The following PLAUR variants were observed in gnomAD, a reference collection of about 807,000 sequenced individuals.
PLAUR encodes urokinase plasminogen activator surface receptor.
In PLAUR, 22 loss-of-function variants were observed where a neutral mutation model predicts 33.4. The observed-to-expected ratio is 0.66, with a 90% CI of 0.47 to 0.94. The LOEUF is 0.94. Among genes scored for constraint, PLAUR ranks in the 40% least tolerant of loss-of-function variants. PLAUR has a pLI of 0.00. For missense variants in PLAUR, 408 were observed against 434.7 expected (o/e 0.94, Z 0.55); for synonymous variants, 148 against 167.3 (o/e 0.88, Z 0.89).
intron 5 of PLAUR, among the ~76,000 whole-genome samples, chr19:43,653,072 A>G (rs1464474563): frequency 6.6e-6 from 1 of 151,994 alleles, no homozygotes; most frequent in Non-Finnish European, 1.5e-5. Context: ...CTCCGCCTCC[A>G]AAAGTGCTGG....
At chr19:43,666,860 T>C (rs1357350470) in intron 2 of PLAUR, among the ~76,000 whole-genome samples, 2 of 144,816 alleles carry the variant, frequency 1.4e-5, no homozygotes, top group African/African-American at 2.6e-5. Flanking sequence ...TGAGCCACCA[T>C]GCCCGGCCCA....
chr19:43,667,836 G>A lies in PLAUR; in HGVS notation c.56-145C>T, dbSNP rs1302481188. On this transcript the variant is annotated intron_variant, in intron 1 of 6. Transcript: ENST00000340093. Reference sequence around the variant, plus strand: ...GTCCATGTTCTGCTGGGTTCCGGCCGGCGGTACTTCCAGTCTGTCCGTTGT... The same window carrying A: ...GTCCATGTTCTGCTGGGTTCCGGCCAGCGGTACTTCCAGTCTGTCCGTTGT... The A allele has an allele frequency of 7.5e-6, 11 of 1,459,322 alleles. No homozygotes were observed. The East Asian group carries it at 2.5e-4, about 33-fold the overall frequency. The allele number at this position is 1,459,322 out of a possible 1,614,324, so 90.4% of individuals were successfully genotyped here. A position where few individuals can be genotyped will look rare whatever the true frequency, so the allele number is the denominator to read the frequency against.
chr19:43,668,508 C>G (rs945445361), intron 1 of PLAUR, among the ~76,000 whole-genome samples: 2 of 150,932 alleles, frequency 1.3e-5, no homozygotes, highest in African/African-American at 4.9e-5. Flanking sequence ...TTAGCTCTCC[C>G]CGCCCCTAGT....
chr19:43,667,867 T>C (rs753530012), intron 1 of PLAUR, 176 bp from the exon 2 acceptor site: 28 of 1,438,956 alleles, frequency 1.9e-5, no homozygotes, highest in Non-Finnish European at 2.5e-5. Context: ...GTTGTCCACG[T>C]TCTACCTCCA....
intron 1 of PLAUR, chr19:43,668,207 G>A (rs1036244820): frequency 1.5e-5 from 15 of 986,726 alleles, no homozygotes; most frequent in Non-Finnish European, 1.8e-5. Flanking sequence ...AGCCTCTCCC[G>A]GCCCACTAAT....
intron 3 of PLAUR, among the ~76,000 whole-genome samples, chr19:43,663,531 C>A (rs1331032394): frequency 6.6e-6 from 1 of 152,030 alleles, no homozygotes; most frequent in Non-Finnish European, 1.5e-5. Flanking sequence ...TCTGTAATCC[C>A]AGCACTTTGG....
chr19:43,647,733 A>G (rs12609493), downstream of PLAUR, among the ~76,000 whole-genome samples: 10 of 151,984 alleles, frequency 6.6e-5, no homozygotes, highest in Non-Finnish European at 2.9e-5. Context: ...TTGAACTAGG[A>G]GGTGGAGGTT....
chr19:43,661,810 C>T (rs1050458899), intron 3 of PLAUR, among the ~76,000 whole-genome samples: 1 of 152,226 alleles, frequency 6.6e-6, no homozygotes, highest in Non-Finnish European at 1.5e-5. Context: ...GTGACTCCAT[C>T]ATGACCAGAA....
Position 43,655,663 on chromosome 19 carries a change from T to A in PLAUR, c.473-90A>T, listed in dbSNP as rs1039665579. On this transcript the variant is annotated intron_variant, in intron 4 of 6. Transcript: ENST00000340093. ...CCCGAAATAGCAGGCATTCAACCATTCTCTACTTCACCCTTCATCATAAGA... is the reference window on the plus strand; with the variant it reads ...CCCGAAATAGCAGGCATTCAACCATACTCTACTTCACCCTTCATCATAAGA... The A allele has an allele frequency of 5.9e-6, 7 of 1,182,280 alleles. No homozygotes were observed. The African/African-American group carries it at 1.1e-4, about 18-fold the overall frequency. The allele number at this position is 1,182,280 out of a possible 1,614,324, so 73.2% of individuals were successfully genotyped here.
chr19:43,647,049 G>A (rs551066523), downstream of PLAUR, among the ~76,000 whole-genome samples: 78 of 152,070 alleles, frequency 5.1e-4, 1 homozygote, highest in African/African-American at 1.7e-3. Context: ...CAAAGTGCTG[G>A]GATTACAGGC....
At chr19:43,664,958 T>A (rs1046895015) in intron 3 of PLAUR, among the ~76,000 whole-genome samples, 2 of 152,054 alleles carry the variant, frequency 1.3e-5, no homozygotes, top group South Asian at 4.1e-4. Context: ...GGGTTAAGGA[T>A]GAAAGTAATT....
At chr19:43,653,961 T>C (rs1459915258) in intron 5 of PLAUR, among the ~76,000 whole-genome samples, 1 of 151,948 alleles carries the variant, frequency 6.6e-6, no homozygotes, top group African/African-American at 2.4e-5. Context: ...CTGTCTCTAC[T>C]AAAAATACAA....
rs749296723 is a variant in PLAUR at position 43,649,102 on chromosome 19, C to T, written c.796G>A (p.Ala266Thr). ...QSYMVRGCAT[A>T]SMCQHAHLGD... ...AGGTGGGCATGTTGGCACATTGAGG[C>T]GGTTGCACAGCCTCTTACCATATAG... is the stretch of plus-strand genomic sequence containing the variant. The change falls in exon 7 of 7, where the codon GCC (alanine) becomes ACC (threonine). Residue 266 changes from alanine (A) to threonine (T), a missense_variant. Coordinates refer to ENST00000340093, the MANE Select transcript of PLAUR (RefSeq NM_002659.4). 8.1e-6 allele frequency: 13 copies of T among 1,614,070 alleles called. No homozygotes were observed. Among genetic ancestry groups the T allele is most frequent in the African/African-American group, 2.7e-5 (2 of 75,052 alleles).
intron 3 of PLAUR, among the ~76,000 whole-genome samples, chr19:43,661,738 A>T (rs1833508491): frequency 6.6e-6 from 1 of 151,182 alleles, no homozygotes; most frequent in Non-Finnish European, 1.5e-5. Context: ...GACTTCCAAT[A>T]ATTGTTTATT....
chr19:43,646,444 C>A (rs761406058), downstream of PLAUR: 33 of 718,038 alleles, frequency 4.6e-5, no homozygotes, highest in East Asian at 6.7e-4. Flanking sequence ...GGGGCTCTAT[C>A]TCCACATGGC....
At chr19:43,659,405 G>A (rs1211628302) in intron 3 of PLAUR, among the ~76,000 whole-genome samples, 2 of 151,896 alleles carry the variant, frequency 1.3e-5, no homozygotes, top group Admixed American at 6.6e-5. Flanking sequence ...CTGCCGCTTC[G>A]GCCTCCTAAA....
intron 3 of PLAUR, among the ~76,000 whole-genome samples, chr19:43,662,012 G>A (rs1046489511): frequency 3.3e-5 from 5 of 152,118 alleles, no homozygotes; most frequent in African/African-American, 4.8e-5. Context: ...GATTACAGGC[G>A]TGAGCCACTG....
intron 3 of PLAUR, chr19:43,665,066 T>A (rs1967168028): frequency 1.9e-6 from 1 of 523,168 alleles, no homozygotes; most frequent in Non-Finnish European, 3.5e-6. Context: ...GGGTTTGAGT[T>A]GGGAACAGTG....
chr19:43,660,217 G>C (rs1246414005), intron 3 of PLAUR, among the ~76,000 whole-genome samples: 1 of 151,754 alleles, frequency 6.6e-6, no homozygotes, highest in Non-Finnish European at 1.5e-5. Context: ...TCAGGCTGGA[G>C]TGCAATGGTG....
Sources: gnomAD v4.1 joint callset for allele counts (sites outside exome capture counted in the v4.1 genomes callset) on GRCh38, gnomAD v4.1.1 for gene constraint, MANE v1.5 for transcripts, NCBI Gene and HGNC (gene_info 2026-07-23, HGNC 2026-07-21) for gene names.